The following PLEKHA5 variants were observed in gnomAD, a reference collection of about 807,000 sequenced individuals.
PLEKHA5 encodes the protein pleckstrin homology domain containing A5, also known as pleckstrin homology domain-containing family A member 5.
In PLEKHA5, 55 loss-of-function variants were observed where a neutral mutation model predicts 181.9. That is an observed-to-expected ratio of 0.30 (90% CI 0.24 to 0.38). PLEKHA5 has a LOEUF of 0.38. Ranked by LOEUF, PLEKHA5 falls within the 10% of genes least tolerant of loss-of-function variation. The pLI is 1.00. For missense variants in PLEKHA5, 1,432 were observed against 1,549.5 expected (o/e 0.92, Z 1.27); for synonymous variants, 535 against 529.4 (o/e 1.01, Z -0.15).
At chr12:19,329,914 A>C (rs937540502) in intron 20 of PLEKHA5, among the ~76,000 whole-genome samples, 8 of 130,590 alleles carry the variant, frequency 6.1e-5, no homozygotes, top group Non-Finnish European at 1.1e-4. Flanking sequence ...CCATCTCTAC[A>C]AAAAAAAAAG....
chr12:19,149,258 T>C (rs2039726743), intron 3 of PLEKHA5, among the ~76,000 whole-genome samples: 2 of 151,866 alleles, frequency 1.3e-5, no homozygotes, highest in African/African-American at 4.8e-5. Flanking sequence ...TCCCAGCACT[T>C]TGGGGAGGCC....
At chr12:19,160,011 G>T (rs1350814399) in intron 3 of PLEKHA5, among the ~76,000 whole-genome samples, 1 of 151,986 alleles carries the variant, frequency 6.6e-6, no homozygotes, top group Non-Finnish European at 1.5e-5. Context: ...AGCATAGTTG[G>T]CTTCTGTGAT....
intron 3 of PLEKHA5, among the ~76,000 whole-genome samples, chr12:19,223,155 T>A (rs934472018): frequency 6.6e-6 from 1 of 152,014 alleles, no homozygotes; most frequent in Non-Finnish European, 1.5e-5. Context: ...AGTGGAAATG[T>A]GTGCTCTGCT....
chr12:19,186,863 C>G (rs374776945), intron 3 of PLEKHA5, among the ~76,000 whole-genome samples: 32 of 152,242 alleles, frequency 2.1e-4, no homozygotes, highest in African/African-American at 7.7e-4. Context: ...TTTATTCCTT[C>G]TAAATGCTTT....
At position 19,173,005 on chromosome 12, in the gene PLEKHA5, C is replaced by CTTTTTTTTTTTTTTTT. The variant is rs71064064; in HGVS notation, c.227+40569_227+40584dup. On this transcript the variant is annotated intron_variant, in intron 3 of 31. Coordinates refer to ENST00000429027, the MANE Select transcript of PLEKHA5 (RefSeq NM_001256470.2). ...AGAAAATTGCTACTGATTTCCCTTT[C>CTTTTTTTTTTTTTTTT]TTTTTTTTTTTTTTTTTTTTTTTTT... Among the ~76,000 whole-genome samples the CTTTTTTTTTTTTTTTT allele has an allele frequency of 2.4e-4, 8 of 33,550 alleles. 3 individuals are homozygous for CTTTTTTTTTTTTTTTT. Among genetic ancestry groups the CTTTTTTTTTTTTTTTT allele is most frequent in the East Asian group, 2.3e-3 (2 of 880 alleles). The allele number at this position is 33,550 out of a possible 152,430, so 22.0% of individuals were successfully genotyped here.
At chr12:19,255,003 T>G in intron 4 of PLEKHA5, 42 bp from the exon 5 acceptor site, 2 of 1,561,500 alleles carry the variant, frequency 1.3e-6, no homozygotes, top group Non-Finnish European at 1.7e-6. Context: ...TAAAGCGGGT[T>G]ACATACACAG....
intron 3 of PLEKHA5, among the ~76,000 whole-genome samples, chr12:19,242,046 T>C (rs1225237078): frequency 6.6e-6 from 1 of 152,206 alleles, no homozygotes; most frequent in African/African-American, 2.4e-5. Context: ...AAGAATTATC[T>C]AAATTATGTT....
At chr12:19,173,110 A>G (rs61913294) in intron 3 of PLEKHA5, among the ~76,000 whole-genome samples, 11 of 132,008 alleles carry the variant, frequency 8.3e-5, no homozygotes, top group African/African-American at 2.9e-4. Flanking sequence ...TGCAAGCTCC[A>G]CTTCCTGGGT....
At chr12:19,307,584 A>G (rs1389214775) in intron 15 of PLEKHA5, 1 of 327,396 alleles carries the variant, frequency 3.1e-6, no homozygotes, top group Non-Finnish European at 6.1e-6. Context: ...ACATTCTAGG[A>G]GGAGGAGGAC....
chr12:19,266,645 G>A (rs1480194854), intron 8 of PLEKHA5, among the ~76,000 whole-genome samples: 1 of 151,894 alleles, frequency 6.6e-6, no homozygotes, highest in African/African-American at 2.4e-5. Context: ...TTAGCCAGGT[G>A]TGGTGGTGTG....
chr12:19,265,307 T>C (rs2069971422), intron 7 of PLEKHA5, among the ~76,000 whole-genome samples: 1 of 152,114 alleles, frequency 6.6e-6, no homozygotes, highest in African/African-American at 2.4e-5. Context: ...GAGTAGGCAA[T>C]GGTAACATTC....
chr12:19,173,491 C>T (rs2046477162), intron 3 of PLEKHA5, among the ~76,000 whole-genome samples: 1 of 151,928 alleles, frequency 6.6e-6, no homozygotes, highest in Non-Finnish European at 1.5e-5. Flanking sequence ...TTATCGGAGC[C>T]AGACACAGTT....
At chr12:19,359,302 C>A in intron 27 of PLEKHA5, 110 bp from the exon 28 acceptor site, 2 of 889,308 alleles carry the variant, frequency 2.2e-6, no homozygotes, top group Non-Finnish European at 3.4e-6. Flanking sequence ...AAAACTTCTT[C>A]ATGAGTGGAG....
chr12:19,186,826 T>C (rs1433661446), intron 3 of PLEKHA5, among the ~76,000 whole-genome samples: 2 of 152,216 alleles, frequency 1.3e-5, no homozygotes. Flanking sequence ...TAAGAAACAT[T>C]CCTTTCTCTT....
chr12:19,284,406 G>A (rs1458073679), intron 12 of PLEKHA5, among the ~76,000 whole-genome samples: 3 of 151,966 alleles, frequency 2.0e-5, no homozygotes, highest in African/African-American at 7.3e-5. Flanking sequence ...TTACACACTT[G>A]GAAATTCTAC....
At chr12:19,356,660 T>C (rs2094941014) in intron 26 of PLEKHA5, among the ~76,000 whole-genome samples, 1 of 122,596 alleles carries the variant, frequency 8.2e-6, no homozygotes, top group East Asian at 2.2e-4. Flanking sequence ...GAAGTTGTTT[T>C]TCTTTTTTTT....
At chr12:19,190,153 T>C (rs1158269474) in intron 3 of PLEKHA5, among the ~76,000 whole-genome samples, 1 of 152,220 alleles carries the variant, frequency 6.6e-6, no homozygotes, top group African/African-American at 2.4e-5. Context: ...AACCCAATCT[T>C]GAAATCCTCC....
In PLEKHA5 at chr12:19,160,248, A is replaced by G. The variant is rs531676073; in HGVS notation, c.227+27798A>G. 2.6e-5 allele frequency among the ~76,000 whole-genome samples: 4 copies of G among 152,144 alleles called. No homozygotes were observed. In the East Asian group the frequency reaches 5.8e-4, roughly 22 times the overall value. On this transcript the variant is annotated intron_variant, in intron 3 of 31. Transcript: ENST00000429027. Reference sequence around the variant, plus strand: ...TTTTAAGATAAAGTTCATGTTATTGAACACTGACAGTCATCTCATCCCATT... The same window carrying G: ...TTTTAAGATAAAGTTCATGTTATTGGACACTGACAGTCATCTCATCCCATT...
chr12:19,299,102 T>C (rs775949795), intron 15 of PLEKHA5, among the ~76,000 whole-genome samples: 1 of 152,222 alleles, frequency 6.6e-6, no homozygotes, highest in Non-Finnish European at 1.5e-5. Flanking sequence ...ACTGTAAGGA[T>C]GGAGATTTTC....
Sources: gnomAD v4.1 joint callset for allele counts (sites outside exome capture counted in the v4.1 genomes callset) on GRCh38, gnomAD v4.1.1 for gene constraint, MANE v1.5 for transcripts, NCBI Gene and HGNC (gene_info 2026-07-23, HGNC 2026-07-21) for gene names.